The following FNBP4 variants were observed in gnomAD, a reference collection of about 807,000 sequenced individuals.
The protein encoded by FNBP4 is formin-binding protein 4.
Under a neutral mutation model 119.3 loss-of-function variants are expected in FNBP4, and 34 were observed. The ratio of observed to expected loss-of-function variants is 0.28; its 90% confidence interval spans 0.22 to 0.38. The LOEUF is 0.38. Ranked by LOEUF, FNBP4 falls within the 10% of genes least tolerant of loss-of-function variation. The pLI is 1.00. For synonymous variants in FNBP4, 462 were observed against 430.6 expected, an observed-to-expected ratio of 1.07 and a Z score of -0.90; for missense variants, 1,112 against 1,228.9, an observed-to-expected ratio of 0.90 and a Z score of 1.42.
chr11:47,722,698 C>G (rs955333731), intron 15 of FNBP4, among the ~76,000 whole-genome samples: 1 of 152,106 alleles, frequency 6.6e-6, no homozygotes, highest in Non-Finnish European at 1.5e-5. Context: ...TCAAGCGATT[C>G]TCCTGCCTCA....
intron 6 of FNBP4, among the ~76,000 whole-genome samples, chr11:47,750,318 G>A (rs2097599474): frequency 7.0e-6 from 1 of 143,074 alleles, no homozygotes; most frequent in Admixed American, 7.5e-5. Context: ...GGAGGCAGAG[G>A]TTGCAGTGAG....
intron 12 of FNBP4, 187 bp from the exon 13 acceptor site, chr11:47,724,965 G>C (rs1358246370): frequency 3.0e-6 from 2 of 674,630 alleles, no homozygotes; most frequent in African/African-American, 3.7e-5. Flanking sequence ...TGGCCCACAG[G>C]CATCTATTCT....
At chr11:47,731,862 A>G in intron 11 of FNBP4, 1 of 1,067,234 alleles carries the variant, frequency 9.4e-7, no homozygotes, top group Non-Finnish European at 1.1e-6. Flanking sequence ...CAGGGTTTCA[A>G]GTTTCATTAA....
At chr11:47,736,274 G>A (rs528499829) in intron 9 of FNBP4, among the ~76,000 whole-genome samples, 12 of 150,396 alleles carry the variant, frequency 8.0e-5, no homozygotes, top group South Asian at 2.1e-4. Context: ...AAAATTTGGC[G>A]GGCCGGGCGC....
intron 2 of FNBP4, among the ~76,000 whole-genome samples, chr11:47,758,088 T>C (rs1030822372): frequency 1.3e-5 from 2 of 152,146 alleles, no homozygotes; most frequent in East Asian, 3.8e-4. Context: ...TTAGGCAAAA[T>C]TTTTCATTTC....
chr11:47,734,801 C>T (rs1463419973), intron 9 of FNBP4, among the ~76,000 whole-genome samples: 2 of 151,958 alleles, frequency 1.3e-5, no homozygotes, highest in African/African-American at 4.8e-5. Flanking sequence ...CGTGAAACCC[C>T]ACCTCTACTA....
At chr11:47,766,879 G>A (rs1282047555) in intron 1 of FNBP4, among the ~76,000 whole-genome samples, 190 bp downstream of exon 1, 2 of 151,956 alleles carry the variant, frequency 1.3e-5, no homozygotes, top group African/African-American at 4.8e-5. Flanking sequence ...CTTGGCCCGG[G>A]CCGAGGGCGC....
intron 12 of FNBP4, chr11:47,729,102 T>G (rs1047358854): frequency 2.1e-6 from 2 of 940,132 alleles, no homozygotes; most frequent in African/African-American, 1.8e-5. Context: ...TCCACCCGCC[T>G]CAGCCCCCCA....
chr11:47,726,752 A>T (rs2135085321), intron 12 of FNBP4: 1 of 152,374 alleles, frequency 6.6e-6, no homozygotes, highest in Non-Finnish European at 1.5e-5. Context: ...ACAATAGTAC[A>T]CAAGGACTAC....
intron 8 of FNBP4, among the ~76,000 whole-genome samples, chr11:47,743,142 T>G (rs1381152403): frequency 6.6e-6 from 1 of 152,132 alleles, no homozygotes. Flanking sequence ...TTCTTCTAGG[T>G]GTACTCAACT....
chr11:47,753,971 G>A (rs978331991), intron 3 of FNBP4, among the ~76,000 whole-genome samples: 2 of 152,058 alleles, frequency 1.3e-5, no homozygotes, highest in East Asian at 1.9e-4. Flanking sequence ...TTGGAAGGCC[G>A]AGGTGGGTTG....
intron 2 of FNBP4, among the ~76,000 whole-genome samples, chr11:47,762,906 C>CAAA (rs56659957): frequency 0.16 from 15,959 of 98,294 alleles, 2,135 homozygotes; most frequent in South Asian, 0.32. Flanking sequence ...ACTCTGATTC[C>CAAA]AAAAAAAAAA....
intron 1 of FNBP4, among the ~76,000 whole-genome samples, chr11:47,765,656 A>AAAAG (rs1367571253): frequency 1.6e-4 from 17 of 107,860 alleles, no homozygotes; most frequent in Non-Finnish European, 2.9e-4. Context: ...AATACAAAAA[A>AAAAG]TAAAAAAATT....
At chr11:47,766,090 T>C (rs1029152763) in intron 1 of FNBP4, among the ~76,000 whole-genome samples, 1 of 151,976 alleles carries the variant, frequency 6.6e-6, no homozygotes, top group African/African-American at 2.4e-5. Context: ...CTCTCGCCTG[T>C]AATGATCGCT....
At position 47,758,078 on chromosome 11, in the gene FNBP4, T is replaced by G. The variant is rs764322675; in HGVS notation, c.314-3414A>C. Among the ~76,000 whole-genome samples, 3 of 152,272 alleles carry G rather than the reference T, an allele frequency of 2.0e-5. No homozygotes were observed. In the East Asian group the frequency reaches 5.8e-4, roughly 29 times the overall value. Reference sequence around the variant, plus strand: ...CTTCCTGCCTTGACTTCCCAAAATGTTAGGCAAAATTTTTCATTTCTTTTT... The same window carrying G: ...CTTCCTGCCTTGACTTCCCAAAATGGTAGGCAAAATTTTTCATTTCTTTTT... On this transcript the variant is annotated intron_variant, in intron 2 of 16. Transcript: ENST00000263773.
At chr11:47,762,370 G>A (rs951926859) in intron 2 of FNBP4, among the ~76,000 whole-genome samples, 3 of 151,924 alleles carry the variant, frequency 2.0e-5, no homozygotes, top group East Asian at 3.9e-4. Context: ...CTTGTCATCC[G>A]CCCGCCTTGG....
chr11:47,726,384 A>C (rs1021062785), intron 12 of FNBP4: 2 of 148,646 alleles, frequency 1.3e-5, no homozygotes, highest in Non-Finnish European at 3.0e-5. Context: ...ACAGGTGTGC[A>C]TCACCACACC....
Position 47,720,226 on chromosome 11 carries a change from T to G in FNBP4, c.2806-140A>C, listed in dbSNP as rs192261398. On this transcript the variant is annotated intron_variant, in intron 15 of 16. Coordinates refer to ENST00000263773, the MANE Select transcript of FNBP4 (RefSeq NM_015308.5). ...AAAGAAAGTAAATACCATTCTAAGTTCTTGCCATAAATTTCTTACCAATTA... is the reference window on the plus strand; with the variant it reads ...AAAGAAAGTAAATACCATTCTAAGTGCTTGCCATAAATTTCTTACCAATTA... 48 of 834,838 alleles carry G rather than the reference T, an allele frequency of 5.7e-5. No individual in the cohort carries two copies. The African/African-American group carries it at 7.7e-4, about 13-fold the overall frequency. 51.7% of individuals were successfully genotyped at this position (834,838 alleles called of 1,614,324 possible).
Position 47,732,376 on chromosome 11 carries a change from G to T in FNBP4, c.1820+161C>A. The T allele has an allele frequency of 1.3e-6, 2 of 1,510,678 alleles. No individual in the cohort carries two copies. Among genetic ancestry groups the T allele is most frequent in the Non-Finnish European group, 1.8e-6 (2 of 1,132,642 alleles). 93.6% of individuals were successfully genotyped at this position (1,510,678 alleles called of 1,614,324 possible). ...ATTGCTTTTGTTTCTCCAATGTGTG[G>T]CTGGCCAAACTTTGTGCTTGCGGTG... On this transcript the variant is annotated intron_variant, in intron 11 of 16. Coordinates refer to ENST00000263773, the MANE Select transcript of FNBP4 (RefSeq NM_015308.5). This position sits in a 1 kb window ranked among gnomAD's most constrained non-coding sequence, Gnocchi z 4.2.
Sources: gnomAD v4.1 joint callset for allele counts (sites outside exome capture counted in the v4.1 genomes callset) on GRCh38, gnomAD v4.1.1 for gene constraint, Gnocchi (gnomAD v3.1) non-coding constraint, MANE v1.5 for transcripts, NCBI Gene and HGNC (gene_info 2026-07-23, HGNC 2026-07-21) for gene names.